The following SPECC1 variants were observed in gnomAD, a reference collection of about 807,000 sequenced individuals.
SPECC1 encodes sperm antigen with calponin homology and coiled-coil domains 1.
SPECC1 carries 62 observed loss-of-function variants against 104.1 expected under a neutral mutation model. That is an observed-to-expected ratio of 0.60 (90% confidence interval 0.49 to 0.74). The LOEUF (loss-of-function observed/expected upper bound fraction) is 0.74. Among genes scored for constraint, SPECC1 ranks in the 30% least tolerant of loss-of-function variants. SPECC1 has a pLI of 0.00. For missense variants in SPECC1, 1,306 were observed against 1,310.5 expected (o/e 1.00, Z 0.05); for synonymous variants, 513 against 501.6 (o/e 1.02, Z -0.30).
chr17:20,254,308 CAA>C (rs2039745832), intron 10 of SPECC1, among the ~76,000 whole-genome samples: 1 of 152,114 alleles, frequency 6.6e-6, no homozygotes, highest in African/African-American at 2.4e-5. Flanking sequence ...AAGCAGCCCT[CAA>C]GAAGGGACAC....
At chr17:20,143,346 A>G (rs932978058) in intron 3 of SPECC1, among the ~76,000 whole-genome samples, 8 of 150,274 alleles carry the variant, frequency 5.3e-5, no homozygotes, top group South Asian at 2.1e-4. Flanking sequence ...TGATGGCACT[A>G]CTGCACGCCA....
At chr17:20,090,479 G>C (rs919950084) in intron 1 of SPECC1, among the ~76,000 whole-genome samples, 1 of 151,862 alleles carries the variant, frequency 6.6e-6, no homozygotes. Flanking sequence ...GCCAGGACTT[G>C]ATAAATATGG....
intron 3 of SPECC1, among the ~76,000 whole-genome samples, chr17:20,199,763 C>G (rs1478033020): frequency 6.6e-6 from 1 of 151,838 alleles, no homozygotes. Context: ...TCTCCATATC[C>G]TCACCAATAC....
chr17:20,040,013 CTCT>C (rs898264244), intron 1 of SPECC1, among the ~76,000 whole-genome samples: 10 of 150,724 alleles, frequency 6.6e-5, no homozygotes, highest in African/African-American at 2.0e-4. Flanking sequence ...GTTTGTCCTC[CTCT>C]TTTTTTCTCT....
intron 12 of SPECC1, among the ~76,000 whole-genome samples, chr17:20,271,318 A>G (rs1472835993): frequency 6.6e-6 from 1 of 152,128 alleles, no homozygotes; most frequent in Non-Finnish European, 1.5e-5. Flanking sequence ...CCTACTGTGA[A>G]AGATGAGGGT....
At chr17:20,298,948 A>AGAGAGC in intron 13 of SPECC1, among the ~76,000 whole-genome samples, 1 of 49,072 alleles carries the variant, frequency 2.0e-5, no homozygotes, top group African/African-American at 9.3e-5. Flanking sequence ...AGAGAGAGAG[A>AGAGAGC]GTGTGTGTGT....
chr17:20,113,176 T>C (rs2048578615), intron 3 of SPECC1, among the ~76,000 whole-genome samples: 1 of 152,140 alleles, frequency 6.6e-6, no homozygotes, highest in African/African-American at 2.4e-5. Flanking sequence ...ATATTCTGAT[T>C]TTTAACAGAA....
intron 3 of SPECC1, among the ~76,000 whole-genome samples, chr17:20,190,515 GCA>G (rs2035594525): frequency 6.6e-6 from 1 of 151,988 alleles, no homozygotes; most frequent in Admixed American, 6.6e-5. Flanking sequence ...GCAGTTTTAG[GCA>G]CAGCAAAATT....
intron 12 of SPECC1, among the ~76,000 whole-genome samples, chr17:20,287,224 T>C (rs1291913244): frequency 6.6e-6 from 1 of 152,138 alleles, no homozygotes; most frequent in Non-Finnish European, 1.5e-5. Flanking sequence ...GAGACCATCC[T>C]GGCTAACAAG....
At chr17:20,279,119 G>A (rs960328600) in intron 12 of SPECC1, among the ~76,000 whole-genome samples, 1 of 152,140 alleles carries the variant, frequency 6.6e-6, no homozygotes, top group Non-Finnish European at 1.5e-5. Context: ...CCCCAGGACA[G>A]CATGTGAGTC....
intron 12 of SPECC1, among the ~76,000 whole-genome samples, chr17:20,270,433 CAAAAAAAAAAAAAA>C (rs71157863): frequency 2.1e-4 from 9 of 43,548 alleles, no homozygotes; most frequent in African/African-American, 3.8e-4. Context: ...CTGTCTTTAC[CAAAAAAAAAAAAAA>C]AAAAAAAAAA....
rs748391765 is a variant in SPECC1 at position 20,247,278 on chromosome 17, C to A, written c.2557C>A (p.Pro853Thr). 1.2e-6 allele frequency: 2 copies of A among 1,613,748 alleles called. No individual in the cohort carries two copies. Among genetic ancestry groups the A allele is most frequent in the Admixed American group, 1.7e-5 (1 of 59,992 alleles). Residue 853 changes from proline (P) to threonine (T), a missense_variant, in exon 9 of 15, where the codon CCA becomes ACA. Pro to Thr is a conservative substitution (Grantham distance 38, BLOSUM62 -1). Coordinates refer to ENST00000395527, the MANE Select transcript of SPECC1 (RefSeq NM_001243439.2). The stretch of plus-strand genomic sequence containing the variant: ...CCCCAGAAGTCCCCTAAGTGGGATA[C>A]CAGTGAGGACTGCTCCAGCAGCTGC... ...KTPRSPLSGI[P>T]VRTAPAAAVS... is the part of the protein sequence containing the mutation.
chr17:20,167,950 G>T (rs2033795985), intron 3 of SPECC1, among the ~76,000 whole-genome samples: 1 of 152,062 alleles, frequency 6.6e-6, no homozygotes. Context: ...AGTCAAAGAA[G>T]AAATTAGTCA....
intron 1 of SPECC1, among the ~76,000 whole-genome samples, chr17:20,074,314 A>C (rs1043557637): frequency 2.0e-5 from 3 of 152,168 alleles, no homozygotes; most frequent in Non-Finnish European, 2.9e-5. Flanking sequence ...ATGTTTGTGA[A>C]GCCCAGATGG....
chr17:20,080,963 C>G (rs990590360), intron 1 of SPECC1, among the ~76,000 whole-genome samples: 1 of 152,096 alleles, frequency 6.6e-6, no homozygotes, highest in Non-Finnish European at 1.5e-5. Flanking sequence ...ACCCCTGCCC[C>G]AAACTTGCAT....
At chr17:20,088,560 G>A (rs79979359) in intron 1 of SPECC1, among the ~76,000 whole-genome samples, 10,578 of 152,184 alleles carry the variant, frequency 0.07, 513 homozygotes, top group African/African-American at 0.14. Context: ...GTCTTGATTG[G>A]CATAAGCCTA....
At chr17:20,178,718 T>C (rs1482470924) in intron 3 of SPECC1, among the ~76,000 whole-genome samples, 2 of 152,220 alleles carry the variant, frequency 1.3e-5, no homozygotes, top group Non-Finnish European at 2.9e-5. Flanking sequence ...TTAAGGGATC[T>C]ATGTAGGAGA....
chr17:20,105,046 T>A (rs930389262), intron 2 of SPECC1, among the ~76,000 whole-genome samples: 7 of 152,130 alleles, frequency 4.6e-5, no homozygotes, highest in African/African-American at 1.7e-4. Context: ...ATGCTTTAAA[T>A]TTTTAACTAA....
intron 3 of SPECC1, among the ~76,000 whole-genome samples, chr17:20,183,734 A>C (rs2035068039): frequency 6.6e-6 from 1 of 152,212 alleles, no homozygotes; most frequent in South Asian, 2.1e-4. Context: ...GAATAATGAC[A>C]AGAAAAACAT....
Sources: gnomAD v4.1 joint callset for allele counts (sites outside exome capture counted in the v4.1 genomes callset) on GRCh38, gnomAD v4.1.1 for gene constraint, MANE v1.5 for transcripts, NCBI Gene and HGNC (gene_info 2026-07-23, HGNC 2026-07-21) for gene names.